Variants in TENM3 observed in about 807,000 individuals in gnomAD.
TENM3 encodes teneurin transmembrane protein 3.
TENM3 carries 63 observed loss-of-function variants against 255.1 expected under a neutral mutation model. The observed-to-expected ratio is 0.25, with a 90% CI of 0.20 to 0.30. The LOEUF (loss-of-function observed/expected upper bound fraction) is 0.30. Among genes scored for constraint, TENM3 ranks in the 10% least tolerant of loss-of-function variants. TENM3 has a pLI of 1.00. For synonymous variants in TENM3, 1,306 were observed against 1,322.3 expected (o/e 0.99, Z 0.27); for missense variants, 2,929 against 3,461.1 (o/e 0.85, Z 3.86).
chr4:182,003,001 G>C, the TENM3 span, among the ~76,000 whole-genome samples: 2 of 151,986 alleles, frequency 1.3e-5, no homozygotes, highest in African/African-American at 4.8e-5. Context: ...ATCAACTGAC[G>C]TATTATGCTT....
the TENM3 span, among the ~76,000 whole-genome samples, chr4:181,684,918 CTTTTTTTTTTT>C: frequency 8.9e-5 from 4 of 45,052 alleles, no homozygotes; most frequent in South Asian, 5.4e-3. Flanking sequence ...CCGTGCCTGG[CTTTTTTTTTTT>C]TTTTTTTTTT....
the TENM3 span, among the ~76,000 whole-genome samples, chr4:182,078,082 T>TA: frequency 1.3e-5 from 2 of 152,006 alleles, no homozygotes; most frequent in Non-Finnish European, 2.9e-5. Flanking sequence ...AATACATAAA[T>TA]AAATAAACCA....
the TENM3 span, chr4:181,980,070 A>T: frequency 2.6e-5 from 4 of 152,274 alleles, no homozygotes; most frequent in Non-Finnish European, 4.4e-5. Flanking sequence ...CTTTGCCTGC[A>T]GGCCCCAGAT....
At chr4:181,602,442 A>G in the TENM3 span, among the ~76,000 whole-genome samples, 2 of 152,192 alleles carry the variant, frequency 1.3e-5, no homozygotes, top group Non-Finnish European at 2.9e-5. Context: ...ATTGCAAACC[A>G]TCATTTGTGA....
chr4:182,797,439 C>A (rs376911674), intron 27 of TENM3, among the ~76,000 whole-genome samples: 2 of 145,436 alleles, frequency 1.4e-5, no homozygotes, highest in East Asian at 2.0e-4. Flanking sequence ...AACTCCGTCT[C>A]AAAAAAAAAA....
chr4:181,583,362 G>T, the TENM3 span, among the ~76,000 whole-genome samples: 1 of 152,058 alleles, frequency 6.6e-6, no homozygotes, highest in Admixed American at 6.6e-5. Context: ...TTTGCTAATT[G>T]CTTTTCCACA....
the TENM3 span, among the ~76,000 whole-genome samples, chr4:181,823,719 G>T: frequency 6.6e-6 from 1 of 152,230 alleles, no homozygotes; most frequent in East Asian, 1.9e-4. Flanking sequence ...CTCTACTAAA[G>T]CATTCTTACT....
the TENM3 span, among the ~76,000 whole-genome samples, chr4:181,846,592 A>G: frequency 4.6e-5 from 7 of 152,258 alleles, no homozygotes; most frequent in Non-Finnish European, 8.8e-5. Context: ...GAAGATTATT[A>G]AGAGACAAGA....
Position 182,671,786 on chromosome 4 carries a change from C to T in TENM3, c.1112-1219C>T, listed in dbSNP as rs183150482. ...CTCCCTTATCACTGAGATGAGATAGCTTACAGCTCAGACTTAAAATCACTT... is the reference window on the plus strand; with the variant it reads ...CTCCCTTATCACTGAGATGAGATAGTTTACAGCTCAGACTTAAAATCACTT... On this transcript the variant is annotated intron_variant, in intron 6 of 27. Transcript: ENST00000511685. Among the ~76,000 whole-genome samples, 4 of 152,286 alleles carry T rather than the reference C, an allele frequency of 2.6e-5. No homozygotes were observed. In the East Asian group the frequency reaches 7.7e-4, roughly 29 times the overall value.
At chr4:182,254,234 T>A (rs1758225751) in intron 1 of TENM3, among the ~76,000 whole-genome samples, 1 of 152,180 alleles carries the variant, frequency 6.6e-6, no homozygotes, top group Non-Finnish European at 1.5e-5. Context: ...TGGAAGACTT[T>A]GGGTGGCTTC....
chr4:182,425,283 C>T (rs547286648), intron 3 of TENM3, among the ~76,000 whole-genome samples: 1 of 152,256 alleles, frequency 6.6e-6, no homozygotes, highest in South Asian at 2.1e-4. Flanking sequence ...CAAAAAAAGT[C>T]AAACAACAAC....
intron 4 of TENM3, among the ~76,000 whole-genome samples, chr4:182,603,872 G>A (rs1342241239): frequency 6.6e-6 from 1 of 151,018 alleles, no homozygotes; most frequent in Non-Finnish European, 1.5e-5. Context: ...ATTCAGTTAC[G>A]AATAAATAAG....
chr4:182,103,599 C>A, the TENM3 span, among the ~76,000 whole-genome samples: 1 of 152,320 alleles, frequency 6.6e-6, no homozygotes, highest in Admixed American at 6.5e-5. Context: ...TCCAGCACTG[C>A]CCCTCACTCA....
At chr4:182,558,257 T>A (rs903205773) in intron 3 of TENM3, among the ~76,000 whole-genome samples, 8 of 152,220 alleles carry the variant, frequency 5.3e-5, no homozygotes, top group Admixed American at 1.3e-4. Context: ...GTTCTTTGAA[T>A]GTGCACAGCA....
chr4:182,494,078 G>A (rs17073432), intron 3 of TENM3, among the ~76,000 whole-genome samples: 12,722 of 152,002 alleles, frequency 0.084, 974 homozygotes, highest in East Asian at 0.2. Context: ...GATGGGTTTC[G>A]TGCATTTTCT....
chr4:182,423,174 G>A (rs553778355), intron 3 of TENM3, among the ~76,000 whole-genome samples: 16 of 152,182 alleles, frequency 1.1e-4, no homozygotes, highest in Admixed American at 3.9e-4. Flanking sequence ...GTGTGTGTAC[G>A]TGTGTGTATG....
chr4:181,626,115 A>G, the TENM3 span, among the ~76,000 whole-genome samples: 2 of 152,160 alleles, frequency 1.3e-5, no homozygotes, highest in African/African-American at 4.8e-5. Flanking sequence ...TTGGCAAATG[A>G]TCTCACCTGG....
At chr4:181,649,234 T>C in the TENM3 span, among the ~76,000 whole-genome samples, 12,161 of 152,226 alleles carry the variant, frequency 0.08, 655 homozygotes, top group South Asian at 0.15. Flanking sequence ...GGCTCCCTAT[T>C]GCCAGAGCGG....
intron 1 of TENM3, among the ~76,000 whole-genome samples, chr4:182,162,181 G>A (rs1375949): frequency 0.018 from 2,767 of 151,772 alleles, 81 homozygotes; most frequent in African/African-American, 0.063. Context: ...CACACCTGGC[G>A]AATTTCTTAA....
Sources: allele counts gnomAD v4.1 joint callset (sites outside exome capture counted in the v4.1 genomes callset), GRCh38; gene constraint gnomAD v4.1.1; transcripts MANE v1.5; gene names NCBI Gene and HGNC (gene_info 2026-07-23, HGNC 2026-07-21).